Variants in KCNJ16 observed in about 807,000 individuals in gnomAD.
The protein encoded by KCNJ16 is potassium inwardly rectifying channel subfamily J member 16.
Under a neutral mutation model 18.5 loss-of-function variants are expected in KCNJ16, and 15 were observed. The ratio of observed to expected loss-of-function variants is 0.81; its 90% CI spans 0.54 to 1.25. KCNJ16 has a LOEUF of 1.25. Among genes scored for constraint, KCNJ16 ranks in the 50% most tolerant of loss-of-function variants. The pLI is 0.00. For missense variants in KCNJ16, 523 were observed against 525.7 expected (o/e 0.99, Z 0.05); for synonymous variants, 174 against 186.5 (o/e 0.93, Z 0.55).
At chr17:70,079,315 A>T (rs2071449488) in intron 1 of KCNJ16, among the ~76,000 whole-genome samples, 1 of 152,226 alleles carries the variant, frequency 6.6e-6, no homozygotes, top group African/African-American at 2.4e-5. Flanking sequence ...AAGGGTTGCA[A>T]CTGATTAGAT....
chr17:70,110,929 C>T (rs1944337516), intron 2 of KCNJ16, among the ~76,000 whole-genome samples: 1 of 152,188 alleles, frequency 6.6e-6, no homozygotes. Flanking sequence ...GCTACAGTCA[C>T]TTGATACTTG....
At chr17:70,088,083 C>G (rs184387145) in intron 1 of KCNJ16, among the ~76,000 whole-genome samples, 22 of 150,978 alleles carry the variant, frequency 1.5e-4, no homozygotes, top group African/African-American at 4.9e-4. Context: ...GTAGTCTAGG[C>G]CAAGGCACCT....
chr17:70,092,106 C>T (rs1483268243), intron 1 of KCNJ16, among the ~76,000 whole-genome samples: 4 of 152,102 alleles, frequency 2.6e-5, no homozygotes, highest in Non-Finnish European at 5.9e-5. Flanking sequence ...ATAGCAAGTT[C>T]CTAATTTTGT....
In KCNJ16 at chr17:70,132,414, AC is replaced by A; in HGVS notation, c.329del (p.Pro110LeufsTer17). The A allele has an allele frequency of 6.2e-7, 1 of 1,614,068 alleles. No individual in the cohort carries two copies. Among genetic ancestry groups the A allele is most frequent in the Non-Finnish European group, 8.5e-7 (1 of 1,180,006 alleles). ...ATCTATTAAATGATCCAGACATCAC[AC>A]CTTGTGTTGACAACGTCCATTCTTT... ...GDLLNDPDIT[P>X]CVDNVHSFTG... On this transcript the variant is annotated frameshift_variant, in exon 4 of 4. Coordinates refer to ENST00000392671, the MANE Select transcript of KCNJ16 (RefSeq NM_170741.4). LOFTEE classifies it high-confidence loss of function.
chr17:70,094,764 T>C (rs2072275706), intron 1 of KCNJ16, among the ~76,000 whole-genome samples: 2 of 152,178 alleles, frequency 1.3e-5, no homozygotes, highest in African/African-American at 4.8e-5. Flanking sequence ...CACTTGAAAG[T>C]AAATTGCACT....
chr17:70,116,418 T>A (rs963472469), intron 2 of KCNJ16, among the ~76,000 whole-genome samples: 1 of 152,182 alleles, frequency 6.6e-6, no homozygotes, highest in Non-Finnish European at 1.5e-5. Flanking sequence ...TCATCCGTAA[T>A]AATTTCTTTA....
At chr17:70,113,178 G>A (rs968466712) in intron 2 of KCNJ16, among the ~76,000 whole-genome samples, 3 of 151,986 alleles carry the variant, frequency 2.0e-5, no homozygotes, top group Non-Finnish European at 4.4e-5. Context: ...TCCTTCATTC[G>A]CCTAGAAAAT....
chr17:70,081,112 G>A (rs1342318389), intron 1 of KCNJ16, among the ~76,000 whole-genome samples: 1 of 152,168 alleles, frequency 6.6e-6, no homozygotes, highest in African/African-American at 2.4e-5. Flanking sequence ...AATTTGGGAA[G>A]TTTCCAGAAT....
At chr17:70,113,650 AGAC>A (rs2144039799) in intron 2 of KCNJ16, among the ~76,000 whole-genome samples, 1 of 152,268 alleles carries the variant, frequency 6.6e-6, no homozygotes, top group South Asian at 2.1e-4. Context: ...TGAATATTCC[AGAC>A]TGAGAAATAC....
intron 2 of KCNJ16, among the ~76,000 whole-genome samples, chr17:70,109,644 T>C (rs1040277879): frequency 1.3e-5 from 2 of 152,154 alleles, no homozygotes; most frequent in Non-Finnish European, 2.9e-5. Context: ...GCAGCTCAAC[T>C]GAATTTCCGT....
intron 2 of KCNJ16, among the ~76,000 whole-genome samples, chr17:70,111,276 A>G (rs2073173640): frequency 1.3e-5 from 2 of 152,202 alleles, no homozygotes; most frequent in Admixed American, 6.5e-5. Flanking sequence ...CACAAAAGAT[A>G]TAATACAACC....
chr17:70,078,986 C>G (rs1207674972), intron 1 of KCNJ16, among the ~76,000 whole-genome samples: 1 of 152,146 alleles, frequency 6.6e-6, no homozygotes, highest in Non-Finnish European at 1.5e-5. Flanking sequence ...AGAACTCAGA[C>G]AGTTCTCTTA....
chr17:70,116,026 T>C (rs369939896), intron 2 of KCNJ16, among the ~76,000 whole-genome samples: 3 of 152,148 alleles, frequency 2.0e-5, no homozygotes, highest in East Asian at 3.8e-4. Flanking sequence ...TGAAAACACC[T>C]TTTTTCTTTC....
chr17:70,127,770 T>C (rs1285424178), intron 2 of KCNJ16, among the ~76,000 whole-genome samples: 4 of 152,180 alleles, frequency 2.6e-5, no homozygotes, highest in African/African-American at 9.7e-5. Flanking sequence ...CTTATAGTTG[T>C]CAGGAAAGCA....
Position 70,132,928 on chromosome 17 carries a change from A to G in KCNJ16, c.841A>G (p.Thr281Ala). The change falls in exon 4 of 4, where the codon ACA becomes GCA. Residue 281 changes from threonine to alanine, a missense_variant. Transcript: ENST00000392671. ...CAAAGATAACTTTGAGATTTTGGTG[A>G]CATTTATCTATACTGGTGATTCCAC... is the stretch of plus-strand genomic sequence containing the variant. ...VAKDNFEILV[T>A]FIYTGDSTGT... 1.2e-6 allele frequency: 2 copies of G among 1,614,170 alleles called. No individual in the cohort carries two copies. The highest frequency in any genetic ancestry group is 8.5e-7 in the Non-Finnish European group (1 of 1,180,022).
intron 1 of KCNJ16, among the ~76,000 whole-genome samples, chr17:70,097,724 C>T (rs1156837241): frequency 6.6e-6 from 1 of 152,146 alleles, no homozygotes; most frequent in African/African-American, 2.4e-5. Context: ...GTCTACCATC[C>T]ATAGACCTGA....
chr17:70,112,737 G>A (rs1248044377), intron 2 of KCNJ16, among the ~76,000 whole-genome samples: 1 of 152,100 alleles, frequency 6.6e-6, no homozygotes, highest in Non-Finnish European at 1.5e-5. Context: ...ACAAGACCAT[G>A]TGGTCTACAG....
chr17:70,079,281 C>A lies in KCNJ16; in HGVS notation c.-300+3891C>A, dbSNP rs190724307. Among the ~76,000 whole-genome samples the A allele has an allele frequency of 1.8e-3, 269 of 152,286 alleles. 1 individual carries two copies. Among genetic ancestry groups the A allele is most frequent in the South Asian group, 9.3e-3 (45 of 4,822 alleles). On this transcript the variant is annotated intron_variant, in intron 1 of 3. Transcript: ENST00000392671. Reference sequence around the variant, plus strand: ...CATTTTTGAAGCAGAACTCCTTTCCCAGGAAATCTTGGCTTTTGCTCTTAA... The same window carrying A: ...CATTTTTGAAGCAGAACTCCTTTCCAAGGAAATCTTGGCTTTTGCTCTTAA...
chr17:70,096,105 G>C (rs866509726), intron 1 of KCNJ16, among the ~76,000 whole-genome samples: 2 of 151,930 alleles, frequency 1.3e-5, no homozygotes, highest in Admixed American at 6.6e-5. Flanking sequence ...GGATGGTCTT[G>C]ATCTCCTGAC....
Sources: allele counts gnomAD v4.1 joint callset (sites outside exome capture counted in the v4.1 genomes callset), GRCh38; gene constraint gnomAD v4.1.1; transcripts MANE v1.5; gene names NCBI Gene and HGNC (gene_info 2026-07-23, HGNC 2026-07-21).